The following SEC31A variants were observed in gnomAD, a reference collection of about 807,000 sequenced individuals.
SEC31A encodes SEC31 homolog A, COPII component.
Under a neutral mutation model 151.0 loss-of-function variants are expected in SEC31A, and 70 were observed. The observed-to-expected ratio is 0.46, with a 90% CI of 0.38 to 0.57. The LOEUF is 0.57. Ranked by LOEUF, SEC31A falls within the 20% of genes least tolerant of loss-of-function variation. The probability of loss-of-function intolerance (pLI) is 0.00; values close to 1 mark genes in which losing one functional copy is unlikely to be tolerated. For synonymous variants in SEC31A, 475 were observed against 505.9 expected (o/e 0.94, Z 0.82); for missense variants, 1,330 against 1,471.2 (o/e 0.90, Z 1.57).
chr4:82,830,149 C>T (rs79296321), intron 22 of SEC31A, among the ~76,000 whole-genome samples: 8,923 of 152,272 alleles, frequency 0.059, 403 homozygotes, highest in Admixed American at 0.1. Context: ...TAACCACCAG[C>T]GCTTACTTGT....
chr4:82,850,433 G>A (rs781546864), intron 19 of SEC31A, among the ~76,000 whole-genome samples: 4 of 151,908 alleles, frequency 2.6e-5, no homozygotes, highest in Non-Finnish European at 5.9e-5. Context: ...CAACTAGAGA[G>A]TCCTACCTCC....
Position 82,872,063 on chromosome 4 carries a change from C to T in SEC31A, c.663G>A (p.Trp221Ter). ...CCATCTGAGTAGCAACATCAGGATG[C>T]CATGCCAACCCAGAACAATGCATCT... ...SNRMHCSGLA[W>*]HPDVATQMVL... is the part of the protein sequence containing the mutation. Residue 221 changes from tryptophan (W) to a stop codon, truncating the protein, a stop_gained, in exon 7 of 27, where the codon TGG becomes TGA. Transcript: ENST00000395310. LOFTEE classifies it high-confidence loss of function. 6.2e-7 allele frequency: 1 copy of T among 1,613,868 alleles called. No homozygotes were observed. The highest frequency in any genetic ancestry group is 8.5e-7 in the Non-Finnish European group (1 of 1,179,808).
chr4:82,839,623 T>C (rs1399233611), intron 22 of SEC31A, among the ~76,000 whole-genome samples: 3 of 152,180 alleles, frequency 2.0e-5, no homozygotes, highest in Non-Finnish European at 4.4e-5. Flanking sequence ...GCAAAAACTT[T>C]TAGGAAATCC....
At chr4:82,886,868 T>C (rs1242552267) in intron 1 of SEC31A, among the ~76,000 whole-genome samples, 1 of 152,218 alleles carries the variant, frequency 6.6e-6, no homozygotes, top group Non-Finnish European at 1.5e-5. Context: ...CCAGTTGCCT[T>C]ATGTGCTATC....
intron 22 of SEC31A, among the ~76,000 whole-genome samples, chr4:82,838,753 T>C (rs1251848510): frequency 2.0e-5 from 3 of 152,222 alleles, no homozygotes; most frequent in Non-Finnish European, 4.4e-5. Flanking sequence ...TCTGGGATAA[T>C]TCTGATTGTA....
At chr4:82,840,037 G>A (rs1330692644) in intron 22 of SEC31A, among the ~76,000 whole-genome samples, 1 of 152,174 alleles carries the variant, frequency 6.6e-6, no homozygotes, top group African/African-American at 2.4e-5. Flanking sequence ...ACCTGGTATA[G>A]AAGAATGAAC....
chr4:82,878,915 T>A lies in SEC31A; in HGVS notation c.217A>T (p.Ile73Phe). The change falls in exon 4 of 27, where the codon ATT becomes TTT. Residue 73 changes from isoleucine to phenylalanine, a missense_variant. By Grantham distance (21) the Ile-to-Phe change is conservative. Coordinates refer to ENST00000395310, the MANE Select transcript of SEC31A (RefSeq NM_001077207.4). ...GAATCCATTTTATAAGGCCCCCAAA[T>A]CAACTTGTGGTACCTACAGGAGAAA... ...FSSSHRYHKL[I>F]WGPYKMDSKG... is the part of the protein sequence containing the mutation. 6.2e-7 allele frequency: 1 copy of A among 1,613,050 alleles called. No homozygotes were observed. The highest frequency in any genetic ancestry group is 8.5e-7 in the Non-Finnish European group (1 of 1,179,118).
chr4:82,863,545 G>GT (rs796637739), intron 11 of SEC31A, among the ~76,000 whole-genome samples, 153 bp from the exon 12 acceptor site: 34 of 152,056 alleles, frequency 2.2e-4, no homozygotes, highest in African/African-American at 7.5e-4. Context: ...AGAATAGTGG[G>GT]TTTTTTTGTT....
chr4:82,824,478 T>A, intron 25 of SEC31A, 77 bp downstream of exon 25: 1 of 1,509,122 alleles, frequency 6.6e-7, no homozygotes, highest in Non-Finnish European at 9.0e-7. Flanking sequence ...GTGCTGGGAT[T>A]ACACGCATAA....
Position 82,862,705 on chromosome 4 carries a change from A to G in SEC31A, c.1510-133T>C, listed in dbSNP as rs1016645732. The G allele has an allele frequency of 5.7e-6, 4 of 701,186 alleles. No individual in the cohort carries two copies. The African/African-American group carries it at 7.2e-5, about 13-fold the overall frequency. The allele number at this position is 701,186 out of a possible 1,614,324, so 43.4% of individuals were successfully genotyped here. ...AGGAATAGTATGTTTAAAAAAATTAAAAAAGCTATGCAGAACTGGTTCTCC... is the reference window on the plus strand; with the variant it reads ...AGGAATAGTATGTTTAAAAAAATTAGAAAAGCTATGCAGAACTGGTTCTCC... On this transcript the variant is annotated intron_variant, in intron 12 of 26. Coordinates refer to ENST00000395310, the MANE Select transcript of SEC31A (RefSeq NM_001077207.4).
exon 1 of SEC31A, chr4:82,900,514 G>A (rs1560688837): frequency 4.3e-6 from 2 of 470,192 alleles, no homozygotes; most frequent in Admixed American, 3.9e-5. Context: ...AAATAAACCG[G>A]TTGCAGCAAA....
chr4:82,867,008 C>A (rs1241091842), intron 9 of SEC31A, 48 bp from the exon 10 acceptor site: 1 of 1,583,978 alleles, frequency 6.3e-7, no homozygotes, highest in South Asian at 1.2e-5. Context: ...CACAAAGTTT[C>A]ATTTTTTTCC....
chr4:82,864,958 T>C (rs1423712915), intron 10 of SEC31A, among the ~76,000 whole-genome samples: 1 of 151,934 alleles, frequency 6.6e-6, no homozygotes, highest in Non-Finnish European at 1.5e-5. Context: ...GTATGTTTAG[T>C]AGACAGGGTT....
chr4:82,874,774 A>G, intron 5 of SEC31A, 23 bp from the exon 6 acceptor site: 1 of 1,587,808 alleles, frequency 6.3e-7, no homozygotes, highest in Non-Finnish European at 8.5e-7. Flanking sequence ...AACAGTTAAT[A>G]AAAACTGCTT....
chr4:82,889,724 G>C lies in SEC31A; in HGVS notation c.-5+1364C>G, dbSNP rs200480610. On this transcript the variant is annotated intron_variant, in intron 1 of 26. Transcript: ENST00000395310. ...TTCCCATGTTATTGGTTTCAATAAA[G>C]AATTTGCTTATATAAAATTAAGCAA... 1.4e-4 allele frequency among the ~76,000 whole-genome samples: 21 copies of C among 152,118 alleles called. No homozygotes were observed. In the East Asian group the frequency reaches 3.9e-3, roughly 28 times the overall value.
Position 82,851,604 on chromosome 4 carries a change from C to A in SEC31A, c.2155G>T (p.Asp719Tyr), listed in dbSNP as rs368821381. 2.5e-6 allele frequency: 4 copies of A among 1,600,062 alleles called. No individual in the cohort carries two copies. The highest frequency in any genetic ancestry group is 3.4e-6 in the Non-Finnish European group (4 of 1,171,872). ...QDGSHPLSLQ[D>Y]LIEKVVILRK... Reference sequence around the variant, plus strand: ...AGGATGACAACTTTCTCAATCAGATCCTAAATGAAAAAAATGAGTAACAAA... The same window carrying A: ...AGGATGACAACTTTCTCAATCAGATACTAAATGAAAAAAATGAGTAACAAA... The change falls in exon 19 of 27, where the codon GAT becomes TAT. Residue 719 changes from aspartate to tyrosine, a missense_variant and splice_region_variant. Transcript: ENST00000395310.
chr4:82,857,737 CAG>C lies in SEC31A; in HGVS notation c.1652_1653del (p.Ser551Ter). Reference protein sequence around the residue: ...GEHIKEEKEESEFLPSSGGTF... With the variant: ...GEHIKEEKEEXEFLPSSGGTF... ...GTTCCTCCAGATGAGGGTAGAAATT[CAG>C]ATTCTTCTTTTTCCTCTTTAATGTG... On this transcript the variant is annotated frameshift_variant, in exon 15 of 27. Transcript: ENST00000395310. LOFTEE classifies it high-confidence loss of function. The C allele has an allele frequency of 6.2e-7, 1 of 1,602,430 alleles. No individual in the cohort carries two copies. Among genetic ancestry groups the C allele is most frequent in the South Asian group, 1.1e-5 (1 of 90,768 alleles).
chr4:82,861,708 C>A lies in SEC31A; in HGVS notation c.1549G>T (p.Ala517Ser). ...GCTACTTGGTCAGAGTCTTTAAGAG[C>A]CTTTGGTACACAAAACAATTACAGG... Reference protein sequence around the residue: ...ALNKVDGANVALKDSDQVAQS... With the variant: ...ALNKVDGANVSLKDSDQVAQS... The change falls in exon 14 of 27, where the codon GCT (alanine) becomes TCT (serine). Residue 517 changes from alanine to serine, a missense_variant and splice_region_variant. Ala to Ser is a moderately conservative substitution (Grantham distance 99, BLOSUM62 1). Transcript: ENST00000395310. 1 of 1,601,414 alleles carries A rather than the reference C, an allele frequency of 6.2e-7. No individual in the cohort carries two copies. Among genetic ancestry groups the A allele is most frequent in the Non-Finnish European group, 8.5e-7 (1 of 1,170,826 alleles).
chr4:82,868,987 A>G (rs1391916808), intron 8 of SEC31A, among the ~76,000 whole-genome samples: 3 of 152,194 alleles, frequency 2.0e-5, no homozygotes, highest in African/African-American at 7.2e-5. Flanking sequence ...TTATTAAAAA[A>G]TAGAATTAAT....
Sources: allele counts gnomAD v4.1 joint callset (sites outside exome capture counted in the v4.1 genomes callset), GRCh38; gene constraint gnomAD v4.1.1; transcripts MANE v1.5; gene names NCBI Gene and HGNC (gene_info 2026-07-23, HGNC 2026-07-21).